Variants in CCDC191 observed in about 807,000 individuals in gnomAD.
CCDC191 encodes the protein coiled-coil domain-containing protein 191.
Under a neutral mutation model 114.0 loss-of-function variants are expected in CCDC191, and 99 were observed. That is an observed-to-expected ratio of 0.87 (90% confidence interval 0.74 to 1.03). The LOEUF is 1.03. CCDC191 is among the 50% of genes least tolerant of loss of function. The pLI is 0.00. For synonymous variants in CCDC191, 351 were observed against 376.0 expected (o/e 0.93, Z 0.77); for missense variants, 973 against 1,087.0 (o/e 0.90, Z 1.47).
Position 114,046,832 on chromosome 3 carries a change from T to G in CCDC191, c.130-100A>C, listed in dbSNP as rs2076636891. 6 of 1,420,138 alleles carry G rather than the reference T, an allele frequency of 4.2e-6. No homozygotes were observed. The East Asian group carries it at 1.5e-4, about 35-fold the overall frequency. The allele number at this position is 1,420,138 out of a possible 1,614,324, so 88.0% of individuals were successfully genotyped here. ...AAGAAACTGATTTTCTACCACCTAC[T>G]AAGATTCGTTCATTTTTCCATTTTT... is the stretch of plus-strand genomic sequence containing the variant. On this transcript the variant is annotated intron_variant, in intron 2 of 16. Coordinates refer to ENST00000295878, the MANE Select transcript of CCDC191 (RefSeq NM_020817.2).
At chr3:113,980,181 C>G (rs564227522) in intron 14 of CCDC191, among the ~76,000 whole-genome samples, 6 of 152,276 alleles carry the variant, frequency 3.9e-5, no homozygotes, top group African/African-American at 1.4e-4. Context: ...AAAGCATGCC[C>G]TGAGTAGCTG....
chr3:113,983,350 A>G (rs1486611936), intron 13 of CCDC191, among the ~76,000 whole-genome samples: 2 of 152,162 alleles, frequency 1.3e-5, no homozygotes, highest in African/African-American at 2.4e-5. Context: ...AGCTACTTCC[A>G]GACCATTATA....
At chr3:114,004,195 A>C in intron 11 of CCDC191, 1 of 970,024 alleles carries the variant, frequency 1.0e-6, no homozygotes, top group Non-Finnish European at 1.2e-6. Context: ...CCTATCAACA[A>C]GTTATAATAT....
At chr3:113,969,917 G>A (rs1459723905) in intron 16 of CCDC191, among the ~76,000 whole-genome samples, 1 of 152,116 alleles carries the variant, frequency 6.6e-6, no homozygotes, top group African/African-American at 2.4e-5. Context: ...AGATTGCATT[G>A]AATCTGTAAA....
At chr3:114,040,442 T>C (rs559586245) in intron 4 of CCDC191, among the ~76,000 whole-genome samples, 1 of 152,342 alleles carries the variant, frequency 6.6e-6, no homozygotes, top group South Asian at 2.1e-4. Context: ...TATATATTTA[T>C]AGTTGTTATG....
At chr3:114,039,490 T>C (rs1179344231) in intron 4 of CCDC191, 1 of 152,162 alleles carries the variant, frequency 6.6e-6, no homozygotes, top group Admixed American at 6.6e-5. Flanking sequence ...AGGGAGATCC[T>C]GTCTTAAAAC....
In CCDC191 at chr3:113,980,644, G is replaced by C; in HGVS notation, c.2307+6C>G. On this transcript the variant is annotated splice_donor_region_variant and intron_variant, in intron 14 of 16. Transcript: ENST00000295878. ...TAATCTGGGGGATAACAGTGGGACA[G>C]TGTACCTGGATGTTTTGTTTGCTTT... is the stretch of plus-strand genomic sequence containing the variant. 3 of 1,583,202 alleles carry C rather than the reference G, an allele frequency of 1.9e-6. No individual in the cohort carries two copies. Among genetic ancestry groups the C allele is most frequent in the South Asian group, 2.4e-5 (2 of 84,256 alleles).
chr3:113,966,012 A>G lies in CCDC191; in HGVS notation c.2607-653T>C, dbSNP rs1266818672. Reference sequence around the variant, plus strand: ...GGCACACTCCTGAGTTGATCTGATTATAGCATACATATTGTACCCATGCCA... The same window carrying G: ...GGCACACTCCTGAGTTGATCTGATTGTAGCATACATATTGTACCCATGCCA... On this transcript the variant is annotated intron_variant, in intron 16 of 16. Coordinates refer to ENST00000295878, the MANE Select transcript of CCDC191 (RefSeq NM_020817.2). Among the ~76,000 whole-genome samples the G allele has an allele frequency of 2.0e-5, 3 of 152,292 alleles. No individual in the cohort carries two copies. In the East Asian group the frequency reaches 5.8e-4, roughly 29 times the overall value.
intron 7 of CCDC191, among the ~76,000 whole-genome samples, chr3:114,027,615 A>AAG: frequency 6.7e-6 from 1 of 149,156 alleles, no homozygotes; most frequent in Middle Eastern, 3.9e-3. Context: ...AAAAAAAAAA[A>AAG]AAAAAAAGAA....
At position 114,005,676 on chromosome 3, in the gene CCDC191, T is replaced by C. The variant is rs1429396769; in HGVS notation, c.1700A>G (p.Lys567Arg). 1 of 1,614,132 alleles carries C rather than the reference T, an allele frequency of 6.2e-7. No individual in the cohort carries two copies. The highest frequency in any genetic ancestry group is 2.2e-5 in the East Asian group (1 of 44,884). The change falls in exon 10 of 17, where the codon AAG becomes AGG. Residue 567 changes from lysine to arginine, a missense_variant. By Grantham distance (26) the Lys-to-Arg change is conservative (BLOSUM62 2). Transcript: ENST00000295878. ...TTTCTGCTGTTCCTGAAGTTTCTTCTTTTGCTTCTCAATCAGCTGTTGCTG... is the reference window on the plus strand; with the variant it reads ...TTTCTGCTGTTCCTGAAGTTTCTTCCTTTGCTTCTCAATCAGCTGTTGCTG... ...VFQQQLIEKQ[K>R]KKLQEQQKTI...
Position 114,036,608 on chromosome 3 carries a change from C to A in CCDC191, c.594G>T (p.Gln198His). Residue 198 changes from glutamine to histidine, a missense_variant and splice_region_variant, in exon 5 of 17, where the codon CAG (glutamine) becomes CAT (histidine). Gln to His is a conservative substitution (Grantham distance 24). Coordinates refer to ENST00000295878, the MANE Select transcript of CCDC191 (RefSeq NM_020817.2). ...TTTTAATTTTGTTTTTCCCTCCCACCTGCTTATGTCTCATCTCCATGGTAA... is the reference window on the plus strand; with the variant it reads ...TTTTAATTTTGTTTTTCCCTCCCACATGCTTATGTCTCATCTCCATGGTAA... ...PRLTMEMRHK[Q>H]VKENRLRREK... is the part of the protein sequence containing the mutation. 1 of 1,577,148 alleles carries A rather than the reference C, an allele frequency of 6.3e-7. No individual in the cohort carries two copies. The highest frequency in any genetic ancestry group is 1.2e-5 in the South Asian group (1 of 84,576).
intron 6 of CCDC191, among the ~76,000 whole-genome samples, chr3:114,033,961 G>A (rs945735059): frequency 6.6e-5 from 10 of 152,218 alleles, no homozygotes; most frequent in African/African-American, 1.9e-4. Flanking sequence ...CTCTCAGTTC[G>A]AGTAGTCAGA....
intron 3 of CCDC191, 66 bp downstream of exon 3, chr3:114,046,525 T>C (rs947962250): frequency 2.0e-6 from 2 of 1,000,734 alleles, no homozygotes; most frequent in Non-Finnish European, 3.2e-6. Flanking sequence ...ATTCTCTACT[T>C]TGAAATGCAT....
intron 3 of CCDC191, among the ~76,000 whole-genome samples, chr3:114,046,246 G>C (rs2076627780): frequency 1.3e-5 from 2 of 152,172 alleles, no homozygotes; most frequent in South Asian, 2.1e-4. Context: ...TCTTTATCAG[G>C]AATAAAACTG....
chr3:113,966,529 C>T (rs1476404181), intron 16 of CCDC191, among the ~76,000 whole-genome samples: 1 of 152,116 alleles, frequency 6.6e-6, no homozygotes. Context: ...GAATTTTTGT[C>T]AGGCAAAGAA....
intron 16 of CCDC191, among the ~76,000 whole-genome samples, chr3:113,972,707 TTTA>T (rs1388612160): frequency 3.9e-5 from 6 of 152,120 alleles, no homozygotes; most frequent in Non-Finnish European, 8.8e-5. Flanking sequence ...TATCTCTCCC[TTTA>T]TTGTTTGCTT....
chr3:113,974,526 G>A (rs1941135940), intron 16 of CCDC191, among the ~76,000 whole-genome samples: 1 of 150,568 alleles, frequency 6.6e-6, no homozygotes, highest in Admixed American at 6.7e-5. Context: ...CACCATGTTG[G>A]CCAGGCTGGT....
In CCDC191 at chr3:114,010,516, CG is replaced by C. The variant is rs150405292; in HGVS notation, c.1413+255del. Reference sequence around the variant, plus strand: ...AGTGCTTTACCTGTCTTTTCCTAAACGAATATTTTACTTAGTTGTTTTAAAT... The same window carrying C: ...AGTGCTTTACCTGTCTTTTCCTAAACAATATTTTACTTAGTTGTTTTAAAT... On this transcript the variant is annotated intron_variant, in intron 9 of 16. Transcript: ENST00000295878. 4.9e-3 allele frequency among the ~76,000 whole-genome samples: 753 copies of C among 152,226 alleles called. 4 individuals are homozygous for C. The highest frequency in any genetic ancestry group is 0.012 in the African/African-American group (516 of 41,556).
chr3:114,006,617 T>TATATATATATATAA (rs1482068610), intron 9 of CCDC191, among the ~76,000 whole-genome samples: 42 of 118,422 alleles, frequency 3.5e-4, no homozygotes, highest in African/African-American at 1.4e-3. Context: ...TATATATATA[T>TATATATATATATAA]AAATATATAT....
Sources: gnomAD v4.1 joint callset for allele counts (sites outside exome capture counted in the v4.1 genomes callset) on GRCh38, gnomAD v4.1.1 for gene constraint, MANE v1.5 for transcripts, NCBI Gene and HGNC (gene_info 2026-07-23, HGNC 2026-07-21) for gene names.